MIPOL1: variants seen among roughly 807,000 people sequenced by gnomAD.
MIPOL1 encodes the protein mirror-image polydactyly 1.
A neutral mutation model predicts 60.9 loss-of-function variants in MIPOL1; 57 were observed. The observed-to-expected ratio is 0.94, with a 90% confidence interval of 0.76 to 1.17. The LOEUF (loss-of-function observed/expected upper bound fraction) is 1.17. MIPOL1 is among the 50% of genes most tolerant of loss of function. The pLI is 0.00. For missense variants in MIPOL1, 551 were observed against 511.6 expected (o/e 1.08, Z -0.74); for synonymous variants, 179 against 168.8 (o/e 1.06, Z -0.47).
chr14:37,276,400 T>G (rs2083663677), intron 6 of MIPOL1: 1 of 151,142 alleles, frequency 6.6e-6, no homozygotes, highest in Non-Finnish European at 1.5e-5. Flanking sequence ...CAACTTAAGT[T>G]TTTCTATTCA....
chr14:37,417,772 T>C (rs2093797932), intron 10 of MIPOL1, among the ~76,000 whole-genome samples: 2 of 152,208 alleles, frequency 1.3e-5, no homozygotes, highest in Admixed American at 1.3e-4. Context: ...TATATATTTA[T>C]GGTTACTCTG....
intron 10 of MIPOL1, among the ~76,000 whole-genome samples, chr14:37,377,612 A>C (rs1366194628): frequency 1.3e-5 from 2 of 152,116 alleles, no homozygotes; most frequent in African/African-American, 2.4e-5. Flanking sequence ...TAATGGTACT[A>C]CCATCCTTCT....
chr14:37,218,781 T>C (rs1435195754), intron 1 of MIPOL1, among the ~76,000 whole-genome samples: 4 of 151,096 alleles, frequency 2.6e-5, no homozygotes, highest in Non-Finnish European at 5.9e-5. Context: ...TATAAAAAAA[T>C]AGAAAAATTA....
intron 1 of MIPOL1, among the ~76,000 whole-genome samples, chr14:37,244,502 A>G (rs1364563264): frequency 6.6e-6 from 1 of 151,854 alleles, no homozygotes; most frequent in Non-Finnish European, 1.5e-5. Context: ...TATGGAGAAT[A>G]TTTTAACAGC....
intron 7 of MIPOL1, among the ~76,000 whole-genome samples, chr14:37,293,958 G>A (rs1875136821): frequency 6.6e-6 from 1 of 152,188 alleles, no homozygotes; most frequent in South Asian, 2.1e-4. Flanking sequence ...TTTGAAGAGA[G>A]TAGTGGTTCT....
chr14:37,302,633 CTTT>C (rs59760327), intron 7 of MIPOL1, among the ~76,000 whole-genome samples: 10 of 125,104 alleles, frequency 8.0e-5, no homozygotes, highest in Admixed American at 1.6e-4. Flanking sequence ...ATTAAAAAAT[CTTT>C]TTTTTTTTTT....
intron 10 of MIPOL1, among the ~76,000 whole-genome samples, chr14:37,399,027 A>G (rs375497145): frequency 1.3e-5 from 2 of 152,234 alleles, no homozygotes; most frequent in African/African-American, 4.8e-5. Flanking sequence ...CACTTGATAT[A>G]CTATAGAAAG....
chr14:37,214,971 C>T (rs553573163), intron 1 of MIPOL1, among the ~76,000 whole-genome samples: 60 of 152,216 alleles, frequency 3.9e-4, no homozygotes, highest in African/African-American at 5.3e-4. Flanking sequence ...AGTTATCCGG[C>T]GGCCTAACCA....
intron 9 of MIPOL1, among the ~76,000 whole-genome samples, chr14:37,328,252 C>T (rs576915215): frequency 7.2e-5 from 11 of 151,910 alleles, no homozygotes; most frequent in Non-Finnish European, 1.6e-4. Flanking sequence ...TGACCTCGGG[C>T]AATCCATCCG....
chr14:37,226,138 CT>C (rs1293309912), intron 1 of MIPOL1, among the ~76,000 whole-genome samples: 1 of 152,196 alleles, frequency 6.6e-6, no homozygotes, highest in Non-Finnish European at 1.5e-5. Context: ...AAGCTCAAAA[CT>C]TTCCCACATT....
chr14:37,456,580 T>C (rs2094478486), intron 11 of MIPOL1, among the ~76,000 whole-genome samples: 1 of 152,172 alleles, frequency 6.6e-6, no homozygotes, highest in Non-Finnish European at 1.5e-5. Flanking sequence ...AAATATGGAA[T>C]TATAAGGGCA....
intron 9 of MIPOL1, among the ~76,000 whole-genome samples, chr14:37,335,847 C>T (rs1252870338): frequency 6.6e-6 from 1 of 152,078 alleles, no homozygotes; most frequent in African/African-American, 2.4e-5. Flanking sequence ...TTCTCCCATT[C>T]CATGAATTGT....
chr14:37,510,396 T>TTTTTGTTTTG (rs566362369), intron 12 of MIPOL1, among the ~76,000 whole-genome samples: 1 of 151,996 alleles, frequency 6.6e-6, no homozygotes, highest in East Asian at 1.9e-4. Context: ...TTTGGTGTTT[T>TTTTTGTTTTG]TTTTGTTTTG....
At chr14:37,280,118 T>A (rs1398813758) in intron 6 of MIPOL1, among the ~76,000 whole-genome samples, 1 of 152,170 alleles carries the variant, frequency 6.6e-6, no homozygotes, top group Non-Finnish European at 1.5e-5. Context: ...TGACAGAATA[T>A]CCCTTCTTTT....
At chr14:37,311,478 T>G (rs2153436527) in intron 9 of MIPOL1, among the ~76,000 whole-genome samples, 1 of 152,312 alleles carries the variant, frequency 6.6e-6, no homozygotes, top group South Asian at 2.1e-4. Context: ...ATGGTTATGT[T>G]TTATGAGAAA....
intron 9 of MIPOL1, among the ~76,000 whole-genome samples, chr14:37,363,060 T>G (rs1202636417): frequency 6.6e-6 from 1 of 152,164 alleles, no homozygotes; most frequent in Non-Finnish European, 1.5e-5. Flanking sequence ...AGAACATGCT[T>G]CTTTAGCTTG....
chr14:37,364,866 C>T (rs2092416806), intron 9 of MIPOL1, among the ~76,000 whole-genome samples: 1 of 152,034 alleles, frequency 6.6e-6, no homozygotes. Context: ...CAAGGACTGT[C>T]TTTTCATTTT....
intron 10 of MIPOL1, among the ~76,000 whole-genome samples, chr14:37,389,461 C>G (rs1038730190): frequency 6.6e-6 from 1 of 151,886 alleles, no homozygotes; most frequent in African/African-American, 2.4e-5. Context: ...CTCTTGTTTT[C>G]CAGCTGGATT....
intron 10 of MIPOL1, 155 bp downstream of exon 10, chr14:37,369,779 G>A: frequency 2.2e-6 from 1 of 449,518 alleles, no homozygotes. Context: ...GCACCCTTTT[G>A]TTATGGTATT....
Sources: gnomAD v4.1 joint callset for allele counts (sites outside exome capture counted in the v4.1 genomes callset) on GRCh38, gnomAD v4.1.1 for gene constraint, MANE v1.5 for transcripts, NCBI Gene and HGNC (gene_info 2026-07-23, HGNC 2026-07-21) for gene names.